Variants in ATE1 observed in about 807,000 individuals in gnomAD.
ATE1 encodes arginyl-tRNA--protein transferase 1.
ATE1 carries 36 observed loss-of-function variants against 70.5 expected under a neutral mutation model. The observed-to-expected ratio is 0.51, with a 90% CI of 0.39 to 0.67. The LOEUF (loss-of-function observed/expected upper bound fraction) is 0.67. Ranked by LOEUF, ATE1 falls within the 30% of genes least tolerant of loss-of-function variation. ATE1 has a pLI of 0.00. For missense variants in ATE1, 593 were observed against 629.5 expected (o/e 0.94, Z 0.62); for synonymous variants, 232 against 219.3 (o/e 1.06, Z -0.51).
rs1209268299 is a variant in ATE1 at position 121,859,413 on chromosome 10, C to T, written c.975+10593G>A. Reference sequence around the variant, plus strand: ...CTGGGACTACAGGCGCCCACCACTACGCCCGGCTAATTTTTTGTATTTTTA... The same window carrying T: ...CTGGGACTACAGGCGCCCACCACTATGCCCGGCTAATTTTTTGTATTTTTA... On this transcript the variant is annotated intron_variant, in intron 8 of 11. Transcript: ENST00000224652. 2.0e-5 allele frequency among the ~76,000 whole-genome samples: 3 copies of T among 151,660 alleles called. No individual in the cohort carries two copies. The East Asian group carries it at 6.0e-4, about 30-fold the overall frequency.
chr10:121,853,595 C>A (rs1316769507), intron 8 of ATE1, among the ~76,000 whole-genome samples: 2 of 151,830 alleles, frequency 1.3e-5, no homozygotes, highest in East Asian at 3.9e-4. Flanking sequence ...TGCTTCCAGG[C>A]ATTTCAGATA....
intron 10 of ATE1, among the ~76,000 whole-genome samples, chr10:121,812,958 T>C (rs982158002): frequency 1.3e-5 from 2 of 152,240 alleles, no homozygotes; most frequent in Non-Finnish European, 2.9e-5. Context: ...AGGACAGTCG[T>C]ATACCTCTTT....
At chr10:121,894,727 C>T (rs970032139) in intron 7 of ATE1, among the ~76,000 whole-genome samples, 3 of 151,826 alleles carry the variant, frequency 2.0e-5, no homozygotes, top group African/African-American at 4.8e-5. Context: ...GGTGAAACCC[C>T]GTCTCTACTA....
chr10:121,867,265 A>G (rs1949696031), intron 8 of ATE1, among the ~76,000 whole-genome samples: 1 of 152,216 alleles, frequency 6.6e-6, no homozygotes, highest in African/African-American at 2.4e-5. Flanking sequence ...TCAACTGTTA[A>G]GATTTATTAA....
intron 10 of ATE1, among the ~76,000 whole-genome samples, chr10:121,820,994 C>T (rs1478415694): frequency 3.9e-5 from 6 of 152,204 alleles, no homozygotes; most frequent in African/African-American, 9.6e-5. Context: ...CAGGCTGGAG[C>T]GCAGTGGCGC....
At chr10:121,850,711 A>G (rs1949019339) in intron 8 of ATE1, among the ~76,000 whole-genome samples, 1 of 152,216 alleles carries the variant, frequency 6.6e-6, no homozygotes, top group Admixed American at 6.5e-5. Context: ...TATAGGATTC[A>G]AAGTCAAAAG....
At chr10:121,879,591 C>T (rs545519321) in intron 7 of ATE1, among the ~76,000 whole-genome samples, 58 of 152,254 alleles carry the variant, frequency 3.8e-4, no homozygotes, top group Non-Finnish European at 7.4e-4. Flanking sequence ...GTGAATTCAA[C>T]GAATAAATGC....
chr10:121,813,307 A>ATATTTTGCCAGCTCTTT (rs1947401145), intron 10 of ATE1, among the ~76,000 whole-genome samples: 1 of 152,154 alleles, frequency 6.6e-6, no homozygotes, highest in Non-Finnish European at 1.5e-5. Context: ...TTTCTACACA[A>ATATTTTGCCAGCTCTTT]TATTTTGCCA....
chr10:121,822,341 C>T (rs1947830789), intron 10 of ATE1, among the ~76,000 whole-genome samples: 1 of 152,142 alleles, frequency 6.6e-6, no homozygotes, highest in Admixed American at 6.5e-5. Context: ...CAAAACTAGT[C>T]TGTAGTGTTA....
chr10:121,768,124 T>G (rs1013856777), intron 11 of ATE1, among the ~76,000 whole-genome samples: 3 of 152,196 alleles, frequency 2.0e-5, no homozygotes, highest in African/African-American at 7.2e-5. Flanking sequence ...ACCACTAATT[T>G]TTGGTACTTA....
At chr10:121,909,229 T>C (rs1198847556) in intron 5 of ATE1, among the ~76,000 whole-genome samples, 1 of 152,112 alleles carries the variant, frequency 6.6e-6, no homozygotes, top group African/African-American at 2.4e-5. Context: ...GCTCAAGCAA[T>C]CCACCTGCCT....
At chr10:121,828,266 G>A (rs1360672526) in intron 10 of ATE1, among the ~76,000 whole-genome samples, 1 of 152,148 alleles carries the variant, frequency 6.6e-6, no homozygotes, top group African/African-American at 2.4e-5. Flanking sequence ...GAGAATGAAG[G>A]TGTCACTTTC....
intron 10 of ATE1, among the ~76,000 whole-genome samples, chr10:121,817,400 GCA>G (rs1947594331): frequency 1.3e-5 from 2 of 152,112 alleles, no homozygotes; most frequent in South Asian, 4.1e-4. Flanking sequence ...TTAGCCGGGC[GCA>G]GTGGCGGGCG....
chr10:121,913,182 A>G (rs752372559), intron 4 of ATE1, among the ~76,000 whole-genome samples: 9 of 152,122 alleles, frequency 5.9e-5, no homozygotes, highest in Non-Finnish European at 1.0e-4. Context: ...CCCGGCCCCA[A>G]TATGAAAATT....
chr10:121,847,198 C>A (rs775014706), intron 8 of ATE1, among the ~76,000 whole-genome samples: 4 of 152,162 alleles, frequency 2.6e-5, no homozygotes, highest in African/African-American at 4.8e-5. Flanking sequence ...CATGTAATCC[C>A]AGCACTTTGA....
chr10:121,774,602 C>T (rs530603625), intron 11 of ATE1, among the ~76,000 whole-genome samples: 12 of 152,172 alleles, frequency 7.9e-5, no homozygotes, highest in African/African-American at 2.9e-4. Context: ...CAGAGCTTTA[C>T]AGAGCACGTT....
chr10:121,891,905 A>G (rs1277434956), intron 7 of ATE1, among the ~76,000 whole-genome samples: 1 of 152,198 alleles, frequency 6.6e-6, no homozygotes, highest in Admixed American at 6.5e-5. Flanking sequence ...ACAGTGTGAT[A>G]CTGTACAGAG....
At chr10:121,878,592 CA>C (rs1207349725) in intron 7 of ATE1, among the ~76,000 whole-genome samples, 14 of 118,006 alleles carry the variant, frequency 1.2e-4, no homozygotes, top group South Asian at 2.8e-4. Flanking sequence ...GACTGTGTCT[CA>C]AAAAAAAAAG....
chr10:121,926,950 A>G, intron 1 of ATE1: 1 of 985,478 alleles, frequency 1.0e-6, no homozygotes, highest in Non-Finnish European at 1.2e-6. Context: ...TTAATGAAGG[A>G]GCAAATGCAC....
Sources: allele counts gnomAD v4.1 joint callset (sites outside exome capture counted in the v4.1 genomes callset), GRCh38; gene constraint gnomAD v4.1.1; transcripts MANE v1.5; gene names NCBI Gene and HGNC (gene_info 2026-07-23, HGNC 2026-07-21).